The following IL36B variants were observed in gnomAD, a reference collection of about 807,000 sequenced individuals.
IL36B encodes interleukin-36 beta.
In IL36B, 23 loss-of-function variants were observed where a neutral mutation model predicts 19.3. The observed-to-expected ratio is 1.19, with a 90% CI of 0.86 to 1.69. The LOEUF (loss-of-function observed/expected upper bound fraction) is 1.69. Ranked by LOEUF, IL36B falls within the 40% of genes most tolerant of loss-of-function variation. The pLI is 0.00. For synonymous variants in IL36B, 59 were observed against 59.7 expected (o/e 0.99, Z 0.05); for missense variants, 217 against 200.5 (o/e 1.08, Z -0.50).
At chr2:113,047,890 G>T (rs549817697) in intron 1 of IL36B, among the ~76,000 whole-genome samples, 3 of 152,064 alleles carry the variant, frequency 2.0e-5, no homozygotes, top group African/African-American at 4.8e-5. Flanking sequence ...GTCAATAAAA[G>T]AGATAAAATG....
intron 1 of IL36B, among the ~76,000 whole-genome samples, chr2:113,051,607 G>T (rs983696846): frequency 6.6e-6 from 1 of 152,224 alleles, no homozygotes; most frequent in Non-Finnish European, 1.5e-5. Context: ...CAGCCCTGTG[G>T]ATCCTGGCCC....
At chr2:113,030,971 C>A in intron 3 of IL36B, 77 bp downstream of exon 3, 2 of 1,086,166 alleles carry the variant, frequency 1.8e-6, no homozygotes, top group Non-Finnish European at 2.8e-6. Context: ...CAGGGCCAGG[C>A]TTATGCAAGC....
chr2:113,036,241 G>C (rs1685165830), intron 1 of IL36B, among the ~76,000 whole-genome samples: 1 of 152,006 alleles, frequency 6.6e-6, no homozygotes, highest in Non-Finnish European at 1.5e-5. Context: ...CAGCGTACCA[G>C]GCCTGATTCT....
intron 5 of IL36B, among the ~76,000 whole-genome samples, chr2:113,024,445 G>A (rs914678220): frequency 3.9e-5 from 6 of 152,146 alleles, no homozygotes; most frequent in African/African-American, 1.4e-4. Flanking sequence ...TCCTTGCAAG[G>A]CTTAGGAAAC....
intron 2 of IL36B, among the ~76,000 whole-genome samples, 198 bp downstream of exon 2, chr2:113,031,499 A>G (rs1685075148): frequency 1.3e-5 from 2 of 152,222 alleles, no homozygotes; most frequent in African/African-American, 4.8e-5. Flanking sequence ...TCATCAAAAT[A>G]AACAAGCAAT....
chr2:113,024,114 T>C (rs1243750197), intron 5 of IL36B, among the ~76,000 whole-genome samples: 1 of 152,142 alleles, frequency 6.6e-6, no homozygotes, highest in Non-Finnish European at 1.5e-5. Context: ...ATAGAAGAGA[T>C]TCAGGGGACA....
At position 113,027,350 on chromosome 2, in the gene IL36B, C is replaced by T. The variant is rs188632780; in HGVS notation, c.262-1118G>A. 3,293 of 448,362 alleles carry T rather than the reference C, an allele frequency of 7.3e-3. 10 individuals are homozygous for T. The highest frequency in any genetic ancestry group is 8.7e-3 in the Non-Finnish European group (2,940 of 339,540). 27.8% of individuals were successfully genotyped at this position (448,362 alleles called of 1,614,324 possible). On this transcript the variant is annotated intron_variant, in intron 4 of 5. Coordinates refer to ENST00000259213, the MANE Select transcript of IL36B (RefSeq NM_014438.5). ...GAAAAAAATCAGTGTTTAAGTGGAC[C>T]TGTGCAGTTCAAAATCGTGTTGTTC...
At chr2:113,035,632 A>G (rs1327340239) in intron 1 of IL36B, among the ~76,000 whole-genome samples, 4 of 152,204 alleles carry the variant, frequency 2.6e-5, no homozygotes, top group Non-Finnish European at 5.9e-5. Flanking sequence ...AAAGAAGAAG[A>G]AAAGGAAAAA....
intron 3 of IL36B, 53 bp from the exon 4 acceptor site, chr2:113,029,131 C>A: frequency 6.4e-7 from 1 of 1,563,838 alleles, no homozygotes. Context: ...TGGTCTGACA[C>A]TCAGTTACTC....
intron 1 of IL36B, among the ~76,000 whole-genome samples, chr2:113,051,221 TC>T (rs1685439347): frequency 6.6e-6 from 1 of 152,188 alleles, no homozygotes; most frequent in South Asian, 2.1e-4. Context: ...TGGGTTTATT[TC>T]CAGTTTCCTG....
intron 5 of IL36B, chr2:113,022,812 A>T: frequency 7.1e-7 from 1 of 1,415,302 alleles, no homozygotes; most frequent in Admixed American, 1.7e-5. Flanking sequence ...TAGGCTTAGC[A>T]AGATGTGGAC....
chr2:113,024,198 G>T (rs1429913720), intron 5 of IL36B, among the ~76,000 whole-genome samples: 1 of 152,096 alleles, frequency 6.6e-6, no homozygotes, highest in African/African-American at 2.4e-5. Flanking sequence ...CAATAGTCCT[G>T]GGCCTGAGGA....
chr2:113,027,777 TAAG>T (rs1684991142), intron 4 of IL36B: 1 of 1,470,736 alleles, frequency 6.8e-7, no homozygotes, highest in Non-Finnish European at 9.0e-7. Flanking sequence ...TTTTGGATAG[TAAG>T]AATGAGGTAA....
At chr2:113,024,078 G>A (rs1264329106) in intron 5 of IL36B, among the ~76,000 whole-genome samples, 1 of 152,160 alleles carries the variant, frequency 6.6e-6, no homozygotes, top group Non-Finnish European at 1.5e-5. Context: ...TCTCTGAAAT[G>A]GACGTGCATT....
chr2:113,044,543 C>G (rs151087086), intron 1 of IL36B, among the ~76,000 whole-genome samples: 2 of 152,148 alleles, frequency 1.3e-5, no homozygotes, highest in African/African-American at 4.8e-5. Flanking sequence ...CTCCAACTTG[C>G]TTTTTATTGG....
intron 1 of IL36B, among the ~76,000 whole-genome samples, chr2:113,049,567 G>A (rs34919131): frequency 1.2e-3 from 185 of 152,304 alleles, no homozygotes; most frequent in African/African-American, 4.2e-3. Flanking sequence ...TTAGGAAAGC[G>A]TAAATCAAAA....
chr2:113,028,992 C>T lies in IL36B; in HGVS notation c.208G>A (p.Asp70Asn), dbSNP rs761943604. 2.4e-5 allele frequency: 38 copies of T among 1,614,052 alleles called. No homozygotes were observed. The highest frequency in any genetic ancestry group is 3.1e-5 in the Non-Finnish European group (37 of 1,179,996). ...ATTTCTGCACAGAAGAGACAGAGATCTTTTCCCTTGATTCCCAGGTAAACC... is the reference window on the plus strand; with the variant it reads ...ATTTCTGCACAGAAGAGACAGAGATTTTTTCCCTTGATTCCCAGGTAAACC... Residue 70 changes from aspartate to asparagine, a missense_variant, in exon 4 of 6, where the codon GAT becomes AAT. Asp to Asn is a conservative substitution (Grantham distance 23). Transcript: ENST00000259213.
At chr2:113,046,317 C>T (rs1433495094) in intron 1 of IL36B, among the ~76,000 whole-genome samples, 1 of 151,340 alleles carries the variant, frequency 6.6e-6, no homozygotes, top group East Asian at 1.9e-4. Flanking sequence ...TCATGCCATT[C>T]TCCTGCTTCA....
intron 1 of IL36B, 66 bp from the exon 2 acceptor site, chr2:113,031,832 C>T: frequency 2.6e-6 from 2 of 784,070 alleles, no homozygotes; most frequent in Non-Finnish European, 4.3e-6. Flanking sequence ...CTCCTCTCCC[C>T]CTAAAATTTT....
Sources: allele counts gnomAD v4.1 joint callset (sites outside exome capture counted in the v4.1 genomes callset), GRCh38; gene constraint gnomAD v4.1.1; transcripts MANE v1.5; gene names NCBI Gene and HGNC (gene_info 2026-07-23, HGNC 2026-07-21).